The following NRXN3 variants were observed in gnomAD, a reference collection of about 807,000 sequenced individuals.
NRXN3 encodes neurexin III.
In NRXN3, 32 loss-of-function variants were observed where a neutral mutation model predicts 137.6. That is an observed-to-expected ratio of 0.23 (90% CI 0.18 to 0.31). NRXN3 has a LOEUF of 0.31. Ranked by LOEUF, NRXN3 falls within the 10% of genes least tolerant of loss-of-function variation. The pLI is 1.00. For synonymous variants in NRXN3, 798 were observed against 784.5 expected (o/e 1.02, Z -0.29); for missense variants, 1,574 against 2,062.5 (o/e 0.76, Z 4.59).
At chr14:78,506,508 A>G (rs2095994324) in intron 4 of NRXN3, among the ~76,000 whole-genome samples, 1 of 152,042 alleles carries the variant, frequency 6.6e-6, no homozygotes, top group Non-Finnish European at 1.5e-5. Context: ...ACTGTTTTTC[A>G]TAGCTCATAC....
intron 15 of NRXN3, among the ~76,000 whole-genome samples, chr14:79,408,248 C>T (rs546135496): frequency 6.6e-6 from 1 of 152,180 alleles, no homozygotes; most frequent in Admixed American, 6.5e-5. Flanking sequence ...AAGAGTTGAG[C>T]CTTATCCCCT....
chr14:78,316,158 C>G (rs1244492181), intron 4 of NRXN3, among the ~76,000 whole-genome samples: 1 of 151,910 alleles, frequency 6.6e-6, no homozygotes, highest in Non-Finnish European at 1.5e-5. Context: ...GTTTTTTTCC[C>G]TAAATGCCAG....
intron 10 of NRXN3, among the ~76,000 whole-genome samples, chr14:78,932,882 C>A (rs556299482): frequency 6.6e-6 from 1 of 152,246 alleles, no homozygotes; most frequent in South Asian, 2.1e-4. Flanking sequence ...ATCCAGGGTA[C>A]CTTCTATGTC....
chr14:78,764,409 C>T (rs535461341), intron 8 of NRXN3, among the ~76,000 whole-genome samples: 17 of 152,260 alleles, frequency 1.1e-4, no homozygotes, highest in African/African-American at 3.4e-4. Flanking sequence ...TGATATACCA[C>T]GAGGCTTCCT....
intron 15 of NRXN3, among the ~76,000 whole-genome samples, chr14:79,081,889 G>A (rs1210948720): frequency 6.6e-6 from 1 of 152,032 alleles, no homozygotes; most frequent in Non-Finnish European, 1.5e-5. Flanking sequence ...CAATACCAAT[G>A]CCATATAGAT....
chr14:78,600,819 G>A (rs1023906711), intron 4 of NRXN3, among the ~76,000 whole-genome samples: 2 of 152,150 alleles, frequency 1.3e-5, no homozygotes, highest in African/African-American at 4.8e-5. Flanking sequence ...CTCCACAAAA[G>A]TCACTTCTCT....
intron 19 of NRXN3, among the ~76,000 whole-genome samples, chr14:79,761,806 C>T (rs1017797944): frequency 6.6e-6 from 1 of 151,020 alleles, no homozygotes; most frequent in South Asian, 2.1e-4. Context: ...GCTAAATCTA[C>T]TCATATACAA....
chr14:79,240,889 C>A (rs1597687058), intron 15 of NRXN3, among the ~76,000 whole-genome samples: 1 of 152,162 alleles, frequency 6.6e-6, no homozygotes, highest in African/African-American at 2.4e-5. Flanking sequence ...CCATGCCATG[C>A]AGGTGCAGAA....
intron 3 of NRXN3, among the ~76,000 whole-genome samples, chr14:78,279,408 A>G (rs1287462833): frequency 1.3e-5 from 2 of 152,254 alleles, no homozygotes; most frequent in African/African-American, 2.4e-5. Flanking sequence ...GTGTCAGATG[A>G]CTTAGAATGG....
intron 15 of NRXN3, among the ~76,000 whole-genome samples, chr14:79,438,094 A>G (rs1023779036): frequency 1.3e-5 from 2 of 152,092 alleles, no homozygotes; most frequent in Non-Finnish European, 2.9e-5. Context: ...CTGGCTGGAA[A>G]AACTCGGGTA....
chr14:78,465,101 C>T (rs961450745), intron 4 of NRXN3, among the ~76,000 whole-genome samples: 1 of 151,878 alleles, frequency 6.6e-6, no homozygotes. Context: ...AAAGTATGTG[C>T]AAGTGTTCAC....
intron 15 of NRXN3, among the ~76,000 whole-genome samples, chr14:79,112,917 G>A (rs2053793493): frequency 6.6e-6 from 1 of 152,200 alleles, no homozygotes. Flanking sequence ...AAAGTTTAAA[G>A]TTGAGACGCA....
intron 19 of NRXN3, among the ~76,000 whole-genome samples, chr14:79,755,102 T>C (rs2099014756): frequency 6.6e-6 from 1 of 152,082 alleles, no homozygotes; most frequent in African/African-American, 2.4e-5. Context: ...AAATAATCAC[T>C]CTTCAGAAGC....
At chr14:78,648,966 A>T (rs2097712667) in intron 5 of NRXN3, among the ~76,000 whole-genome samples, 1 of 152,068 alleles carries the variant, frequency 6.6e-6, no homozygotes, top group Admixed American at 6.6e-5. Flanking sequence ...GTGGTCTGAG[A>T]GAGATTTGGA....
rs138820396 is a variant in NRXN3, at chr14:78,988,908, G to A, written c.3262+767G>A. Among the ~76,000 whole-genome samples, 574 of 152,246 alleles carry A rather than the reference G, an allele frequency of 3.8e-3. 2 individuals carry two copies. The highest frequency in any genetic ancestry group is 0.013 in the African/African-American group (553 of 41,542). On this transcript the variant is annotated intron_variant, in intron 15 of 20. Coordinates refer to ENST00000335750, the MANE Select transcript of NRXN3 (RefSeq NM_001330195.2). ...AATTGTGTCCACTAGTGATGCTTCT[G>A]GCTCGTGGGTTTAGTTCTGACTTCA...
At chr14:79,315,147 G>A (rs1213472953) in intron 15 of NRXN3, among the ~76,000 whole-genome samples, 5 of 152,118 alleles carry the variant, frequency 3.3e-5, no homozygotes, top group East Asian at 1.9e-4. Context: ...TGATTCCCAC[G>A]GCTGAGCTGT....
At chr14:78,505,501 T>C (rs528203431) in intron 4 of NRXN3, among the ~76,000 whole-genome samples, 2 of 152,212 alleles carry the variant, frequency 1.3e-5, no homozygotes, top group African/African-American at 2.4e-5. Context: ...CTGATAATAA[T>C]GTATTGTATG....
At chr14:78,184,624 G>T (rs1245552643) in intron 1 of NRXN3, among the ~76,000 whole-genome samples, 1 of 152,228 alleles carries the variant, frequency 6.6e-6, no homozygotes, top group Non-Finnish European at 1.5e-5. Flanking sequence ...CAAATGAGAG[G>T]TTTAGAGAGG....
intron 4 of NRXN3, among the ~76,000 whole-genome samples, chr14:78,559,425 C>G (rs971048234): frequency 1.3e-4 from 20 of 152,338 alleles, no homozygotes; most frequent in Middle Eastern, 6.8e-3. Flanking sequence ...ATCTGTTCCT[C>G]TAGTGCTAAA....
Sources: allele counts gnomAD v4.1 joint callset (sites outside exome capture counted in the v4.1 genomes callset), GRCh38; gene constraint gnomAD v4.1.1; transcripts MANE v1.5; gene names NCBI Gene and HGNC (gene_info 2026-07-23, HGNC 2026-07-21).